ITGBL1: variants seen among roughly 807,000 people sequenced by gnomAD.
ITGBL1 encodes the protein integrin subunit beta like 1.
In ITGBL1, 51 loss-of-function variants were observed where a neutral mutation model predicts 68.5. The observed-to-expected ratio is 0.74, with a 90% CI of 0.59 to 0.94. The LOEUF (loss-of-function observed/expected upper bound fraction) is 0.94. Among genes scored for constraint, ITGBL1 ranks in the 40% least tolerant of loss-of-function variants. The pLI is 0.00. For missense variants in ITGBL1, 649 were observed against 647.4 expected (o/e 1.00, Z -0.03); for synonymous variants, 209 against 227.3 (o/e 0.92, Z 0.72).
intron 2 of ITGBL1, among the ~76,000 whole-genome samples, chr13:101,458,764 C>G (rs550555173): frequency 1.3e-4 from 20 of 151,956 alleles, no homozygotes; most frequent in Non-Finnish European, 2.5e-4. Flanking sequence ...AGTTGTTATA[C>G]TGTATGTTAG....
At chr13:101,579,965 C>T (rs140031889) in intron 5 of ITGBL1, among the ~76,000 whole-genome samples, 82 of 152,260 alleles carry the variant, frequency 5.4e-4, no homozygotes, top group African/African-American at 1.9e-3. Context: ...AGGAAATGTA[C>T]ACTGACTTTA....
At chr13:101,602,773 C>T (rs1239003621) in intron 7 of ITGBL1, among the ~76,000 whole-genome samples, 1 of 152,024 alleles carries the variant, frequency 6.6e-6, no homozygotes, top group East Asian at 1.9e-4. Flanking sequence ...TCTACTTTGT[C>T]TCTATGGACT....
At chr13:101,474,253 A>G (rs1234682738) in intron 2 of ITGBL1, among the ~76,000 whole-genome samples, 1 of 152,034 alleles carries the variant, frequency 6.6e-6, no homozygotes, top group East Asian at 1.9e-4. Flanking sequence ...GCCTGGTAGC[A>G]TTCACCACAA....
At chr13:101,617,947 C>T (rs1170194480) in intron 7 of ITGBL1, among the ~76,000 whole-genome samples, 1 of 152,122 alleles carries the variant, frequency 6.6e-6, no homozygotes, top group African/African-American at 2.4e-5. Flanking sequence ...ACCTCCTGGG[C>T]TTAGAACAAT....
At chr13:101,673,855 AG>A (rs2033436189) in intron 7 of ITGBL1, among the ~76,000 whole-genome samples, 1 of 152,174 alleles carries the variant, frequency 6.6e-6, no homozygotes, top group African/African-American at 2.4e-5. Flanking sequence ...ATGTGGCTAA[AG>A]GGTTTCATAC....
intron 7 of ITGBL1, among the ~76,000 whole-genome samples, chr13:101,610,123 A>G (rs2031053289): frequency 6.6e-6 from 1 of 152,194 alleles, no homozygotes; most frequent in Non-Finnish European, 1.5e-5. Context: ...TGTTACTATG[A>G]TTATATATTT....
chr13:101,640,932 G>A (rs1286266488), intron 7 of ITGBL1, among the ~76,000 whole-genome samples: 2 of 152,126 alleles, frequency 1.3e-5, no homozygotes, highest in Non-Finnish European at 2.9e-5. Flanking sequence ...GATGACTAAC[G>A]TTGAAGGAAT....
At chr13:101,602,365 G>A (rs1490711399) in intron 7 of ITGBL1, among the ~76,000 whole-genome samples, 5 of 151,986 alleles carry the variant, frequency 3.3e-5, no homozygotes, top group Non-Finnish European at 7.4e-5. Flanking sequence ...AGAAGAACAC[G>A]TGTTCCATTC....
At chr13:101,460,650 T>A (rs2139620871) in intron 2 of ITGBL1, among the ~76,000 whole-genome samples, 1 of 152,292 alleles carries the variant, frequency 6.6e-6, no homozygotes, top group Middle Eastern at 3.4e-3. Context: ...GGGTAGGTTG[T>A]AAAGGAAAGA....
At chr13:101,691,749 A>G (rs1256077997) in intron 7 of ITGBL1, among the ~76,000 whole-genome samples, 1 of 152,228 alleles carries the variant, frequency 6.6e-6, no homozygotes, top group Non-Finnish European at 1.5e-5. Context: ...GAATGGATGT[A>G]AATTTTGAAT....
At chr13:101,688,005 G>T (rs899558346) in intron 7 of ITGBL1, among the ~76,000 whole-genome samples, 1 of 151,870 alleles carries the variant, frequency 6.6e-6, no homozygotes, top group African/African-American at 2.4e-5. Flanking sequence ...ATTGATTTCA[G>T]AAGCCACAGT....
At position 101,534,427 on chromosome 13, in the gene ITGBL1, G is replaced by A. The variant is rs190105898; in HGVS notation, c.317-33272G>A. On this transcript the variant is annotated intron_variant, in intron 2 of 10. Transcript: ENST00000376180. ...CACTAAAAGATAAGACAATTTAAAA[G>A]TGTAAGAGAAAGATGGATCCAAATC... Among the ~76,000 whole-genome samples the A allele has an allele frequency of 3.9e-4, 60 of 152,296 alleles. 1 individual carries two copies. The highest frequency in any genetic ancestry group is 7.4e-4 in the Non-Finnish European group (50 of 68,002).
chr13:101,554,831 T>C (rs575600990), intron 2 of ITGBL1, among the ~76,000 whole-genome samples: 14 of 152,340 alleles, frequency 9.2e-5, no homozygotes, highest in East Asian at 1.9e-4. Context: ...ATCACATTTT[T>C]CTGAATAATA....
At chr13:101,555,366 C>T (rs927200199) in intron 2 of ITGBL1, among the ~76,000 whole-genome samples, 5 of 152,054 alleles carry the variant, frequency 3.3e-5, no homozygotes, top group African/African-American at 1.2e-4. Context: ...TGTATTAATT[C>T]TAGTGTTTTC....
At chr13:101,598,541 G>C (rs1594916624) in intron 7 of ITGBL1, among the ~76,000 whole-genome samples, 1 of 151,714 alleles carries the variant, frequency 6.6e-6, no homozygotes, top group Non-Finnish European at 1.5e-5. Context: ...TGCATTAACT[G>C]GTCATTTAGC....
At chr13:101,459,342 T>G (rs1211283475) in intron 2 of ITGBL1, among the ~76,000 whole-genome samples, 3 of 152,238 alleles carry the variant, frequency 2.0e-5, no homozygotes, top group Non-Finnish European at 4.4e-5. Context: ...CTTATGGATA[T>G]GAAGAACCTT....
intron 7 of ITGBL1, among the ~76,000 whole-genome samples, chr13:101,683,648 A>G (rs1463666526): frequency 2.0e-5 from 3 of 151,992 alleles, no homozygotes; most frequent in Non-Finnish European, 4.4e-5. Context: ...ATAATGCCAA[A>G]CGGTCCCCAG....
At chr13:101,600,801 G>A (rs932194187) in intron 7 of ITGBL1, among the ~76,000 whole-genome samples, 2 of 152,174 alleles carry the variant, frequency 1.3e-5, no homozygotes, top group African/African-American at 4.8e-5. Flanking sequence ...CTTGATCATA[G>A]TGGATAAGCT....
At chr13:101,714,739 A>G in intron 10 of ITGBL1, 188 bp downstream of exon 10, 1 of 572,174 alleles carries the variant, frequency 1.7e-6, no homozygotes, top group South Asian at 2.3e-5. Context: ...CTAGGCATAG[A>G]AGAATACAAG....
Sources: gnomAD v4.1 joint callset for allele counts (sites outside exome capture counted in the v4.1 genomes callset) on GRCh38, gnomAD v4.1.1 for gene constraint, MANE v1.5 for transcripts, NCBI Gene and HGNC (gene_info 2026-07-23, HGNC 2026-07-21) for gene names.